Variants in HYCC2 observed in about 807,000 individuals in gnomAD.
HYCC2 encodes hyccin 2.
chr2:200,994,043 TTTC>T, the HYCC2 span, among the ~76,000 whole-genome samples: 1 of 151,986 alleles, frequency 6.6e-6, no homozygotes, highest in Non-Finnish European at 1.5e-5. Flanking sequence ...GGAATGGAAA[TTTC>T]TTCTTCAATT....
At chr2:201,066,849 T>C in the HYCC2 span, 1 of 154,616 alleles carries the variant, frequency 6.5e-6, no homozygotes, top group Non-Finnish European at 1.4e-5. Flanking sequence ...GATCCGCAAG[T>C]CACCCACGTC....
At chr2:201,013,096 A>G in the HYCC2 span, among the ~76,000 whole-genome samples, 2 of 152,098 alleles carry the variant, frequency 1.3e-5, no homozygotes, top group Admixed American at 6.6e-5. Context: ...CACTGGCATA[A>G]AATCCATAGA....
chr2:201,009,105 C>T, the HYCC2 span: 34 of 1,398,588 alleles, frequency 2.4e-5, no homozygotes, highest in Non-Finnish European at 3.5e-5. Flanking sequence ...AAATAAGGTA[C>T]AGTATGAGAC....
chr2:200,987,371 T>C, the HYCC2 span: 2 of 1,289,706 alleles, frequency 1.6e-6, no homozygotes, highest in Non-Finnish European at 2.0e-6. Flanking sequence ...CTACCCTCTG[T>C]TGTGGCTGTT....
chr2:201,045,505 G>C, the HYCC2 span: 2 of 398,102 alleles, frequency 5.0e-6, no homozygotes, highest in Non-Finnish European at 8.9e-6. Context: ...CCTGTATTAA[G>C]ATCAGTTTTC....
At chr2:200,992,784 G>T in the HYCC2 span, 4 of 772,686 alleles carry the variant, frequency 5.2e-6, no homozygotes, top group South Asian at 1.8e-5. Context: ...GCCCATCATG[G>T]AACAAAAGAT....
the HYCC2 span, among the ~76,000 whole-genome samples, chr2:201,059,309 C>T: frequency 1.3e-5 from 2 of 152,212 alleles, no homozygotes; most frequent in African/African-American, 4.8e-5. Flanking sequence ...TAGTTCCTGA[C>T]TTGTTCAGAA....
the HYCC2 span, chr2:200,997,406 CAAAT>C: frequency 7.4e-7 from 1 of 1,353,688 alleles, no homozygotes. Flanking sequence ...AAATATCTAT[CAAAT>C]AAATATGAAG....
the HYCC2 span, chr2:200,987,607 T>C: frequency 8.9e-7 from 1 of 1,124,226 alleles, no homozygotes; most frequent in African/African-American, 1.6e-5. Context: ...CCCAGGCAGA[T>C]AAGAGAATGT....
the HYCC2 span, among the ~76,000 whole-genome samples, chr2:201,030,130 C>T: frequency 6.6e-6 from 1 of 151,902 alleles, no homozygotes; most frequent in South Asian, 2.1e-4. Context: ...GTAATGGTGA[C>T]AAAAAGGACA....
At chr2:201,048,620 C>T in the HYCC2 span, among the ~76,000 whole-genome samples, 1 of 151,410 alleles carries the variant, frequency 6.6e-6, no homozygotes. Flanking sequence ...AGAGTAGATA[C>T]CCCGATGTAG....
At chr2:201,020,989 A>C in the HYCC2 span, among the ~76,000 whole-genome samples, 1 of 152,042 alleles carries the variant, frequency 6.6e-6, no homozygotes, top group Non-Finnish European at 1.5e-5. Context: ...GGATGGTCTC[A>C]ATCTCTTGAC....
the HYCC2 span, chr2:200,987,421 C>T: frequency 1.2e-5 from 16 of 1,289,676 alleles, no homozygotes; most frequent in Non-Finnish European, 1.6e-5. Flanking sequence ...AGGGGTCCTG[C>T]GCACCAGCAC....
chr2:201,040,136 G>A, the HYCC2 span, among the ~76,000 whole-genome samples: 1 of 150,676 alleles, frequency 6.6e-6, no homozygotes, highest in Non-Finnish European at 1.5e-5. Context: ...CCGCGCCACT[G>A]CACTCTAGCC....
the HYCC2 span, chr2:200,997,623 A>C: frequency 1.2e-6 from 1 of 815,908 alleles, no homozygotes; most frequent in Non-Finnish European, 2.1e-6. Flanking sequence ...CTTAATATTG[A>C]CCTTTATGAT....
At chr2:201,037,114 A>G in the HYCC2 span, among the ~76,000 whole-genome samples, 2 of 152,232 alleles carry the variant, frequency 1.3e-5, no homozygotes, top group Non-Finnish European at 2.9e-5. Flanking sequence ...AGACAAACAG[A>G]GCCAAATCAT....
the HYCC2 span, among the ~76,000 whole-genome samples, chr2:201,020,870 C>T: frequency 1.2e-4 from 19 of 152,172 alleles, no homozygotes; most frequent in African/African-American, 3.4e-4. Context: ...CAAGTTCAAG[C>T]GATTCTCCTG....
chr2:201,043,360 C>T, the HYCC2 span, among the ~76,000 whole-genome samples: 1 of 151,174 alleles, frequency 6.6e-6, no homozygotes, highest in Admixed American at 6.6e-5. Context: ...TGCTGACCTT[C>T]CCTCCACTAT....
chr2:201,067,518 T>C, the HYCC2 span, among the ~76,000 whole-genome samples: 6 of 152,242 alleles, frequency 3.9e-5, no homozygotes, highest in African/African-American at 1.2e-4. Context: ...TGAGTTTTTA[T>C]GCTTTTCTCT....
Sources: gnomAD v4.1 joint callset for allele counts (sites outside exome capture counted in the v4.1 genomes callset) on GRCh38, gnomAD v4.1.1 for gene constraint, MANE v1.5 for transcripts, NCBI Gene and HGNC (gene_info 2026-07-23, HGNC 2026-07-21) for gene names.